The following CIBAR1 variants were observed in gnomAD, a reference collection of about 807,000 sequenced individuals.
CIBAR1 encodes CBY1 interacting BAR domain containing 1, also known as CBY1-interacting BAR domain-containing protein 1.
In CIBAR1, 25 loss-of-function variants were observed where a neutral mutation model predicts 44.0. The ratio of observed to expected loss-of-function variants is 0.57; its 90% CI spans 0.41 to 0.79. CIBAR1 has a LOEUF of 0.79. CIBAR1 is among the 30% of genes least tolerant of loss of function. The pLI, the probability that CIBAR1 is intolerant of heterozygous loss-of-function variation, is 0.00. For missense variants in CIBAR1, 278 were observed against 344.8 expected, an observed-to-expected ratio of 0.81 and a Z score of 1.53; for synonymous variants, 115 against 119.0, an observed-to-expected ratio of 0.97 and a Z score of 0.22.
intron 6 of CIBAR1, among the ~76,000 whole-genome samples, chr8:93,713,131 C>A (rs1810899274): frequency 6.9e-6 from 1 of 145,712 alleles, no homozygotes. Context: ...CTCCCAGGTT[C>A]AAGTGATTCT....
intron 2 of CIBAR1, 41 bp downstream of exon 2, chr8:93,701,499 A>C: frequency 6.5e-7 from 1 of 1,547,282 alleles, no homozygotes; most frequent in South Asian, 1.2e-5. Flanking sequence ...TGAATGAGCC[A>C]TGAAGTAGTG....
At chr8:93,727,955 G>A (rs975296250) in intron 8 of CIBAR1, among the ~76,000 whole-genome samples, 3 of 151,822 alleles carry the variant, frequency 2.0e-5, no homozygotes, top group Non-Finnish European at 4.4e-5. Flanking sequence ...TAATGTTTTT[G>A]AAGTATTGAT....
chr8:93,726,584 T>C, intron 8 of CIBAR1, 71 bp downstream of exon 8: 1 of 1,562,398 alleles, frequency 6.4e-7, no homozygotes, highest in Non-Finnish European at 8.7e-7. Flanking sequence ...TAAAAATGTT[T>C]CCCCTCAGTC....
intron 1 of CIBAR1, 79 bp downstream of exon 1, chr8:93,700,752 G>C: frequency 7.1e-7 from 1 of 1,416,038 alleles, no homozygotes; most frequent in Non-Finnish European, 9.2e-7. Flanking sequence ...TCTGTCCATG[G>C]GGCCTCTGCG....
chr8:93,713,233 A>G (rs1008894116), intron 6 of CIBAR1, among the ~76,000 whole-genome samples: 6 of 151,354 alleles, frequency 4.0e-5, no homozygotes, highest in African/African-American at 1.5e-4. Flanking sequence ...GGGTTTTACC[A>G]TGTTGGCCAG....
rs1811634198 is a variant in CIBAR1 at position 93,728,321 on chromosome 8, T to C, written c.*24T>C. On this transcript the variant is annotated 3_prime_UTR_variant, in exon 9 of 9. Transcript: ENST00000518322. ...AAACTACACATTTCCATTTTCATCA[T>C]AAATGACTTGAAATCCACAATGACT... 6.9e-7 allele frequency: 1 copy of C among 1,454,602 alleles called. No homozygotes were observed. The highest frequency in any genetic ancestry group is 1.2e-5 in the South Asian group (1 of 80,632). 90.1% of individuals were successfully genotyped at this position (1,454,602 alleles called of 1,614,324 possible).
At chr8:93,704,431 C>G (rs959033003) in intron 3 of CIBAR1, among the ~76,000 whole-genome samples, 7 of 152,172 alleles carry the variant, frequency 4.6e-5, no homozygotes, top group Admixed American at 2.6e-4. Context: ...GGTTTGCACT[C>G]CTATGAGAAT....
intron 5 of CIBAR1, among the ~76,000 whole-genome samples, chr8:93,708,249 G>T (rs898951016): frequency 1.3e-5 from 2 of 152,126 alleles, no homozygotes; most frequent in Non-Finnish European, 2.9e-5. Context: ...TTATTAGGAA[G>T]AATTTAATCC....
At chr8:93,727,296 T>C (rs1811561153) in intron 8 of CIBAR1, 1 of 905,246 alleles carries the variant, frequency 1.1e-6, no homozygotes, top group Admixed American at 3.1e-5. Flanking sequence ...TGTAAGCATT[T>C]ATTTTGTTTT....
At chr8:93,706,596 A>G (rs780006145) in intron 4 of CIBAR1, among the ~76,000 whole-genome samples, 3 of 152,186 alleles carry the variant, frequency 2.0e-5, no homozygotes, top group African/African-American at 4.8e-5. Context: ...AAATGAATCT[A>G]TTCCTAAGAC....
intron 7 of CIBAR1, among the ~76,000 whole-genome samples, chr8:93,720,336 C>T (rs1171487338): frequency 6.6e-6 from 1 of 152,006 alleles, no homozygotes; most frequent in Non-Finnish European, 1.5e-5. Flanking sequence ...CCTTCCTGTC[C>T]CATTACTCCA....
chr8:93,704,555 T>G (rs1810502604), intron 3 of CIBAR1, among the ~76,000 whole-genome samples: 1 of 152,192 alleles, frequency 6.6e-6, no homozygotes, highest in Non-Finnish European at 1.5e-5. Flanking sequence ...TTGGGAGCCC[T>G]TGATTTATGT....
chr8:93,708,707 T>C (rs1810701808), intron 5 of CIBAR1, among the ~76,000 whole-genome samples: 1 of 152,246 alleles, frequency 6.6e-6, no homozygotes, highest in Admixed American at 6.5e-5. Flanking sequence ...GAAATATTTG[T>C]AGTGTATATT....
intron 3 of CIBAR1, among the ~76,000 whole-genome samples, chr8:93,704,588 A>G (rs1311132608): frequency 6.6e-6 from 1 of 152,190 alleles, no homozygotes; most frequent in Non-Finnish European, 1.5e-5. Context: ...TTCCATTTTA[A>G]GTGATCATTG....
rs1009071720 is a variant in CIBAR1, at chr8:93,729,093, C to T, written c.*796C>T. The T allele has an allele frequency of 6.6e-6, 1 of 152,062 alleles. No homozygotes were observed. The highest frequency in any genetic ancestry group is 2.4e-5 in the African/African-American group (1 of 41,430). The allele number at this position is 152,062 out of a possible 1,614,324, so 9.4% of individuals were successfully genotyped here. On this transcript the variant is annotated 3_prime_UTR_variant, in exon 9 of 9. Coordinates refer to ENST00000518322, the MANE Select transcript of CIBAR1 (RefSeq NM_145269.5). ...TTTCTGAAAATATAAAACATTGAGCCTTTCAGTGTATCTGATGCTTCTCTT... is the reference window on the plus strand; with the variant it reads ...TTTCTGAAAATATAAAACATTGAGCTTTTCAGTGTATCTGATGCTTCTCTT...
chr8:93,701,061 A>C, intron 1 of CIBAR1, 163 bp from the exon 2 acceptor site: 2 of 1,467,946 alleles, frequency 1.4e-6, no homozygotes, highest in Non-Finnish European at 1.8e-6. Flanking sequence ...TAGTGAGGTC[A>C]GGACCCCATG....
At chr8:93,712,698 C>T (rs1297112139) in intron 6 of CIBAR1, among the ~76,000 whole-genome samples, 4 of 152,044 alleles carry the variant, frequency 2.6e-5, no homozygotes, top group African/African-American at 4.8e-5. Context: ...ATCCTCACTA[C>T]TTGCTATTCA....
rs538261132 is a variant in CIBAR1 at position 93,709,659 on chromosome 8, C to T, written c.439-112C>T. The T allele has an allele frequency of 4.3e-4, 332 of 770,772 alleles. 2 individuals are homozygous for T. In the South Asian group the frequency reaches 4.8e-3, roughly 11 times the overall value. 47.7% of individuals were successfully genotyped at this position (770,772 alleles called of 1,614,324 possible). ...GGTAAAATATAATATTAACAATTTA[C>T]ACTGTTATGCCAAAAAGCCAGTACT... On this transcript the variant is annotated intron_variant, in intron 5 of 8. Coordinates refer to ENST00000518322, the MANE Select transcript of CIBAR1 (RefSeq NM_145269.5).
intron 6 of CIBAR1, among the ~76,000 whole-genome samples, chr8:93,714,382 A>G (rs1029182595): frequency 6.6e-6 from 1 of 152,190 alleles, no homozygotes; most frequent in Non-Finnish European, 1.5e-5. Context: ...TTTTCCACAT[A>G]TAAATTCTGT....
Sources: allele counts gnomAD v4.1 joint callset (sites outside exome capture counted in the v4.1 genomes callset), GRCh38; gene constraint gnomAD v4.1.1; transcripts MANE v1.5; gene names NCBI Gene and HGNC (gene_info 2026-07-23, HGNC 2026-07-21).